Variants in PLPPR5 observed in about 807,000 individuals in gnomAD.
PLPPR5 encodes phospholipid phosphatase-related protein type 5.
In PLPPR5, 16 loss-of-function variants were observed where a neutral mutation model predicts 33.9. The observed-to-expected ratio is 0.47, with a 90% CI of 0.32 to 0.72. PLPPR5 has a LOEUF of 0.72. Among genes scored for constraint, PLPPR5 ranks in the 30% least tolerant of loss-of-function variants. The pLI, the probability that PLPPR5 is intolerant of heterozygous loss-of-function variation, is 0.03. For synonymous variants in PLPPR5, 163 were observed against 150.3 expected, an observed-to-expected ratio of 1.08 and a Z score of -0.62; for missense variants, 301 against 406.7, an observed-to-expected ratio of 0.74 and a Z score of 2.23.
At chr1:98,894,367 A>G (rs1247125545) in intron 5 of PLPPR5, among the ~76,000 whole-genome samples, 1 of 152,098 alleles carries the variant, frequency 6.6e-6, no homozygotes, top group Non-Finnish European at 1.5e-5. Context: ...TCAGAGTTAT[A>G]TAATGCACTA....
intron 3 of PLPPR5, among the ~76,000 whole-genome samples, chr1:98,924,559 C>T (rs1204621271): frequency 6.6e-6 from 1 of 152,114 alleles, no homozygotes; most frequent in Non-Finnish European, 1.5e-5. Context: ...AGTGTGTGGT[C>T]CTTGTGCAAA....
chr1:98,982,596 G>A (rs574199352), intron 1 of PLPPR5, among the ~76,000 whole-genome samples: 24 of 152,072 alleles, frequency 1.6e-4, no homozygotes, highest in Admixed American at 3.3e-4. Flanking sequence ...TGCCTAGCTC[G>A]TTGGAACACT....
chr1:98,907,271 G>C (rs529694918), intron 5 of PLPPR5, among the ~76,000 whole-genome samples: 1 of 140,046 alleles, frequency 7.1e-6, no homozygotes, highest in Admixed American at 7.4e-5. Flanking sequence ...CCACGATCTT[G>C]GCTTGCTGCA....
chr1:98,962,699 C>A (rs540678260), intron 1 of PLPPR5, among the ~76,000 whole-genome samples: 1 of 152,290 alleles, frequency 6.6e-6, no homozygotes, highest in African/African-American at 2.4e-5. Flanking sequence ...GGCTGGAGTG[C>A]AGGGGTGCAG....
intron 1 of PLPPR5, among the ~76,000 whole-genome samples, chr1:99,003,177 A>G (rs1048793318): frequency 6.7e-5 from 10 of 149,752 alleles, no homozygotes; most frequent in African/African-American, 2.5e-4. Context: ...ATCACAGGAC[A>G]TGTGATAAAG....
intron 1 of PLPPR5, among the ~76,000 whole-genome samples, chr1:98,991,530 A>G (rs1652451083): frequency 6.6e-6 from 1 of 152,196 alleles, no homozygotes; most frequent in Non-Finnish European, 1.5e-5. Flanking sequence ...ACAGTCAGAT[A>G]TGGGCAGCCA....
At chr1:98,978,783 T>C (rs309060) in intron 1 of PLPPR5, among the ~76,000 whole-genome samples, 144,011 of 152,120 alleles carry the variant, frequency 0.95, 68,243 homozygotes, top group East Asian at 1. Flanking sequence ...TGAACACATA[T>C]CATAAGGAAA....
intron 2 of PLPPR5, 65 bp from the exon 3 acceptor site, chr1:98,953,385 G>GTGTGTGTC: frequency 7.1e-7 from 1 of 1,410,262 alleles, no homozygotes; most frequent in Non-Finnish European, 9.6e-7. Flanking sequence ...GTGTGTGTGT[G>GTGTGTGTC]TGTGTGTGTG....
At chr1:98,930,943 A>T (rs183991709) in intron 3 of PLPPR5, among the ~76,000 whole-genome samples, 1 of 151,454 alleles carries the variant, frequency 6.6e-6, no homozygotes, top group Admixed American at 6.6e-5. Flanking sequence ...ATGGGGATGA[A>T]CCTCTGTGAC....
intron 1 of PLPPR5, among the ~76,000 whole-genome samples, chr1:99,000,384 A>C (rs899491510): frequency 6.6e-6 from 1 of 152,152 alleles, no homozygotes. Context: ...ATCAAACTTT[A>C]TCTCTGCTAA....
chr1:98,899,627 G>A (rs921880598), intron 5 of PLPPR5, among the ~76,000 whole-genome samples: 1 of 150,180 alleles, frequency 6.7e-6, no homozygotes, highest in Non-Finnish European at 1.5e-5. Context: ...GTGTTAAGAA[G>A]ACCTTCAGAA....
chr1:98,949,193 G>A (rs1436602994), intron 3 of PLPPR5, among the ~76,000 whole-genome samples: 1 of 151,520 alleles, frequency 6.6e-6, no homozygotes, highest in Non-Finnish European at 1.5e-5. Context: ...TAAATTTGAT[G>A]ACTGAGAGTT....
intron 5 of PLPPR5, among the ~76,000 whole-genome samples, chr1:98,908,053 G>T (rs2046178): frequency 0.72 from 109,635 of 152,068 alleles, 39,901 homozygotes; most frequent in East Asian, 0.8. Context: ...TCTTTGGGTA[G>T]TTGCTTATTT....
intron 1 of PLPPR5, among the ~76,000 whole-genome samples, chr1:98,961,615 T>C (rs990376476): frequency 6.6e-6 from 1 of 152,230 alleles, no homozygotes; most frequent in Non-Finnish European, 1.5e-5. Context: ...TTGATATTCA[T>C]ATCTATTCTT....
chr1:98,960,508 C>A (rs177913), intron 1 of PLPPR5, among the ~76,000 whole-genome samples: 2 of 152,106 alleles, frequency 1.3e-5, no homozygotes, highest in Non-Finnish European at 2.9e-5. Context: ...CCAGCCTGCT[C>A]TCAGATAAAT....
intron 5 of PLPPR5, among the ~76,000 whole-genome samples, chr1:98,895,440 AC>A (rs1274645332): frequency 6.6e-6 from 1 of 151,978 alleles, no homozygotes; most frequent in Non-Finnish European, 1.5e-5. Context: ...AGACTAAGAA[AC>A]CTTAATAATG....
chr1:98,956,378 G>C (rs1650998254), intron 2 of PLPPR5, among the ~76,000 whole-genome samples: 1 of 151,886 alleles, frequency 6.6e-6, no homozygotes, highest in Non-Finnish European at 1.5e-5. Context: ...GATTTTAGGG[G>C]AACAGGTGGT....
intron 3 of PLPPR5, among the ~76,000 whole-genome samples, chr1:98,922,857 C>T (rs1162057947): frequency 1.3e-5 from 2 of 152,038 alleles, no homozygotes; most frequent in East Asian, 3.9e-4. Flanking sequence ...TGGTGGCGGG[C>T]ACCTGTAGGC....
chr1:98,996,849 T>C (rs1652650957), intron 1 of PLPPR5, among the ~76,000 whole-genome samples: 1 of 152,154 alleles, frequency 6.6e-6, no homozygotes. Context: ...CATATTGATG[T>C]ATACTCAATA....
Sources: allele counts gnomAD v4.1 joint callset (sites outside exome capture counted in the v4.1 genomes callset), GRCh38; gene constraint gnomAD v4.1.1; transcripts MANE v1.5; gene names NCBI Gene and HGNC (gene_info 2026-07-23, HGNC 2026-07-21).